MEIS1: variants seen among roughly 807,000 people sequenced by gnomAD.
MEIS1 encodes Meis homeobox 1, also known as homeobox protein Meis1.
Under a neutral mutation model 50.8 loss-of-function variants are expected in MEIS1, and 5 were observed. That is an observed-to-expected ratio of 0.10 (90% CI 0.05 to 0.21). The LOEUF (loss-of-function observed/expected upper bound fraction) is 0.21. MEIS1 is among the 10% of genes least tolerant of loss of function. The pLI, the probability that MEIS1 is intolerant of heterozygous loss-of-function variation, is 1.00. For synonymous variants in MEIS1, 176 were observed against 179.3 expected, an observed-to-expected ratio of 0.98 and a Z score of 0.15; for missense variants, 318 against 517.3, an observed-to-expected ratio of 0.61 and a Z score of 3.74.
rs1323063727 is a variant in MEIS1, at chr2:66,528,159, T to G, written c.888+15865T>G. 2.6e-5 allele frequency among the ~76,000 whole-genome samples: 4 copies of G among 152,082 alleles called. No homozygotes were observed. In the East Asian group the frequency reaches 7.7e-4, roughly 29 times the overall value. Reference sequence around the variant, plus strand: ...TTCTTTCAGTTACCACCACAGACACTAGAGATGTATATAGAGTCATAGATC... The same window carrying G: ...TTCTTTCAGTTACCACCACAGACACGAGAGATGTATATAGAGTCATAGATC... On this transcript the variant is annotated intron_variant, in intron 8 of 12. Transcript: ENST00000272369.
In MEIS1 at chr2:66,492,069, TTGTG is replaced by T. The variant is rs139510530; in HGVS notation, c.743-20062_743-20059del. Among the ~76,000 whole-genome samples, 628 of 144,658 alleles carry T rather than the reference TTGTG, an allele frequency of 4.3e-3. 4 individuals carry two copies. Among genetic ancestry groups the T allele is most frequent in the African/African-American group, 0.015 (592 of 39,296 alleles). The allele number at this position is 144,658 out of a possible 152,430, so 94.9% of individuals were successfully genotyped here. The stretch of plus-strand genomic sequence containing the variant: ...AAACAGGAAAAGTGTGAGCGTTCAC[TTGTG>T]TGTGTGTGTGTGTGTGTCTGCTTGC... On this transcript the variant is annotated intron_variant, in intron 7 of 12. Transcript: ENST00000272369.
intron 5 of MEIS1, among the ~76,000 whole-genome samples, chr2:66,442,400 C>A (rs1452561890): frequency 1.3e-5 from 2 of 151,434 alleles, no homozygotes; most frequent in Non-Finnish European, 2.9e-5. Flanking sequence ...TAAAATATAC[C>A]CCTTAGAGAT....
chr2:66,489,682 A>G (rs1673228100), intron 7 of MEIS1, among the ~76,000 whole-genome samples: 1 of 152,192 alleles, frequency 6.6e-6, no homozygotes, highest in South Asian at 2.1e-4. Flanking sequence ...AGTTTGCCAT[A>G]TGCTATCCTG....
At chr2:66,567,884 C>T (rs996726781) in intron 10 of MEIS1, 1 of 469,312 alleles carries the variant, frequency 2.1e-6, no homozygotes, top group Non-Finnish European at 3.9e-6. Flanking sequence ...AACTTTATTA[C>T]CTGTCAAAAG....
chr2:66,499,213 CTT>C (rs1473685241), intron 7 of MEIS1, among the ~76,000 whole-genome samples: 3 of 152,088 alleles, frequency 2.0e-5, no homozygotes, highest in Non-Finnish European at 4.4e-5. Context: ...AATAACAAGT[CTT>C]TATTTTTTTC....
chr2:66,440,731 G>C (rs768756996), intron 4 of MEIS1, 119 bp downstream of exon 4: 1 of 671,284 alleles, frequency 1.5e-6, no homozygotes, highest in South Asian at 1.9e-5. Flanking sequence ...GTGCCTGCAG[G>C]TTGGCTGCAA....
Position 66,565,932 on chromosome 2 carries a change from G to C in MEIS1, c.966-1521G>C, listed in dbSNP as rs1322931344. On this transcript the variant is annotated intron_variant, in intron 9 of 12. Coordinates refer to ENST00000272369, the MANE Select transcript of MEIS1 (RefSeq NM_002398.3). ...AAACAGATTTTTTTTCATTTTAATT[G>C]GTTATTTCACATGGTGTTTGTGCTA... 5.9e-5 allele frequency among the ~76,000 whole-genome samples: 9 copies of C among 152,078 alleles called. No homozygotes were observed. The East Asian group carries it at 1.7e-3, about 29-fold the overall frequency.
intron 6 of MEIS1, among the ~76,000 whole-genome samples, chr2:66,460,688 A>G (rs188402941): frequency 2.6e-5 from 4 of 152,266 alleles, no homozygotes; most frequent in African/African-American, 7.2e-5. Flanking sequence ...GTGTACATTC[A>G]GTGATCTTTC....
At chr2:66,511,990 C>T (rs1001724069) in intron 7 of MEIS1, among the ~76,000 whole-genome samples, 159 bp from the exon 8 acceptor site, 3 of 152,088 alleles carry the variant, frequency 2.0e-5, no homozygotes, top group Admixed American at 2.0e-4. Flanking sequence ...CTTGTTCTTT[C>T]TCTGTCTTGG....
rs141998850 is a variant in MEIS1, at chr2:66,521,139, C to G, written c.888+8845C>G. ...CTGCCCATAAAAAAGGCAAAGAAAG[C>G]TACATCTGTTGATATTTTGTGACAA... is the stretch of plus-strand genomic sequence containing the variant. On this transcript the variant is annotated intron_variant, in intron 8 of 12. Transcript: ENST00000272369. Among the ~76,000 whole-genome samples the G allele has an allele frequency of 2.4e-4, 37 of 152,326 alleles. No homozygotes were observed. The East Asian group carries it at 5.4e-3, about 22-fold the overall frequency.
At chr2:66,476,737 A>G (rs1347870819) in intron 7 of MEIS1, among the ~76,000 whole-genome samples, 1 of 152,160 alleles carries the variant, frequency 6.6e-6, no homozygotes, top group Non-Finnish European at 1.5e-5. Flanking sequence ...AAAGGAGTGC[A>G]GATGCAGGTC....
chr2:66,437,580 TTAAAA>T, intron 1 of MEIS1, 152 bp from the exon 2 acceptor site: 1 of 654,234 alleles, frequency 1.5e-6, no homozygotes, highest in Non-Finnish European at 2.7e-6. Flanking sequence ...AGCTTTAATT[TTAAAA>T]TAAGAAAAAC....
rs7564503 is a variant in MEIS1 at position 66,484,199 on chromosome 2, G to C, written c.742+19979G>C. Among the ~76,000 whole-genome samples the C allele has an allele frequency of 7.7e-3, 1,177 of 152,224 alleles. 17 individuals are homozygous for C. Among genetic ancestry groups the C allele is most frequent in the African/African-American group, 0.027 (1,102 of 41,534 alleles). ...GGAAGCAAAACTAGATTTATAGGGA[G>C]GGTTTTATTTGTTTATAAGAAATCA... On this transcript the variant is annotated intron_variant, in intron 7 of 12. Transcript: ENST00000272369.
At chr2:66,540,380 GT>G (rs1674622302) in intron 8 of MEIS1, among the ~76,000 whole-genome samples, 1 of 151,966 alleles carries the variant, frequency 6.6e-6, no homozygotes, top group Admixed American at 6.6e-5. Context: ...GTGATCTTGG[GT>G]CATTGCAACC....
At chr2:66,453,786 CT>C (rs746533432) in intron 6 of MEIS1, among the ~76,000 whole-genome samples, 2 of 151,846 alleles carry the variant, frequency 1.3e-5, no homozygotes, top group Non-Finnish European at 2.9e-5. Flanking sequence ...AAGTATAATG[CT>C]ATGAGGTAGT....
chr2:66,477,782 C>T (rs1158214155), intron 7 of MEIS1, among the ~76,000 whole-genome samples: 2 of 152,092 alleles, frequency 1.3e-5, no homozygotes, highest in African/African-American at 4.8e-5. Context: ...TTATGTGCTC[C>T]CAGTGGATTC....
chr2:66,557,763 G>A (rs1022039405), intron 9 of MEIS1, among the ~76,000 whole-genome samples: 1 of 151,954 alleles, frequency 6.6e-6, no homozygotes, highest in African/African-American at 2.4e-5. Flanking sequence ...AGTATTTTTG[G>A]GAATGACAGT....
At chr2:66,457,755 G>C (rs563193760) in intron 6 of MEIS1, among the ~76,000 whole-genome samples, 1 of 152,340 alleles carries the variant, frequency 6.6e-6, no homozygotes, top group African/African-American at 2.4e-5. Context: ...GAAGAGCACA[G>C]GTGTGCACAT....
intron 9 of MEIS1, among the ~76,000 whole-genome samples, chr2:66,566,751 A>G (rs933047309): frequency 2.0e-5 from 3 of 151,362 alleles, no homozygotes; most frequent in South Asian, 4.2e-4. Context: ...AAGCAAAACT[A>G]TAAGTTCAAT....
Sources: gnomAD v4.1 joint callset for allele counts (sites outside exome capture counted in the v4.1 genomes callset) on GRCh38, gnomAD v4.1.1 for gene constraint, MANE v1.5 for transcripts, NCBI Gene and HGNC (gene_info 2026-07-23, HGNC 2026-07-21) for gene names.